MSRA: variants seen among roughly 807,000 people sequenced by gnomAD.
MSRA encodes mitochondrial peptide methionine sulfoxide reductase.
In MSRA, 54 loss-of-function variants were observed where a neutral mutation model predicts 31.3. The ratio of observed to expected loss-of-function variants is 1.73; its 90% CI spans 1.39 to 2.17. The LOEUF is 2.17. Among genes scored for constraint, MSRA ranks in the 30% most tolerant of loss-of-function variants. The pLI is 0.00. For missense variants in MSRA, 507 were observed against 300.9 expected (o/e 1.69, Z -5.07); for synonymous variants, 169 against 116.5 (o/e 1.45, Z -2.90).
intron 5 of MSRA, among the ~76,000 whole-genome samples, chr8:10,375,162 T>C (rs758212482): frequency 4.6e-5 from 7 of 152,232 alleles, no homozygotes; most frequent in Non-Finnish European, 7.3e-5. Context: ...AACACACTTG[T>C]ACAGCCACAA....
chr8:10,079,703 C>A (rs972158050), intron 1 of MSRA, among the ~76,000 whole-genome samples: 1 of 152,144 alleles, frequency 6.6e-6, no homozygotes, highest in Non-Finnish European at 1.5e-5. Flanking sequence ...AGCATTACAG[C>A]GCTCTTGGCT....
At chr8:10,367,063 G>A (rs961720367) in intron 5 of MSRA, among the ~76,000 whole-genome samples, 3 of 152,214 alleles carry the variant, frequency 2.0e-5, no homozygotes, top group Admixed American at 1.3e-4. Flanking sequence ...TAAACAATGC[G>A]AACATTTTAA....
chr8:10,343,467 T>C (rs1207901881), intron 5 of MSRA, among the ~76,000 whole-genome samples: 1 of 152,218 alleles, frequency 6.6e-6, no homozygotes, highest in Non-Finnish European at 1.5e-5. Flanking sequence ...AATTTGTTTC[T>C]GGCATATGGT....
chr8:10,139,963 G>A (rs58136080), intron 1 of MSRA, among the ~76,000 whole-genome samples: 7 of 152,186 alleles, frequency 4.6e-5, no homozygotes, highest in Non-Finnish European at 1.0e-4. Context: ...TTCTGGCTGA[G>A]TCATCTATAG....
Position 10,319,902 on chromosome 8 carries a change from C to A in MSRA, c.456C>A (p.Asp152Glu). 1 of 1,569,754 alleles carries A rather than the reference C, an allele frequency of 6.4e-7. No homozygotes were observed. Among genetic ancestry groups the A allele is most frequent in the South Asian group, 1.2e-5 (1 of 81,758 alleles). The stretch of plus-strand genomic sequence containing the variant: ...TCCTAGGTATGCGCCAGGGGAACGA[C>A]CATGGCACTCAGTACCGCTCGGCCA... ...DPTQGMRQGN[D>E]HGTQYRSAIY... is the part of the protein sequence containing the mutation. Residue 152 changes from aspartate (D) to glutamate (E), a missense_variant, in exon 5 of 6, where the codon GAC (aspartate) becomes GAA (glutamate). Transcript: ENST00000317173.
At chr8:10,084,257 C>CT (rs1798440856) in intron 1 of MSRA, among the ~76,000 whole-genome samples, 1 of 152,214 alleles carries the variant, frequency 6.6e-6, no homozygotes, top group Admixed American at 6.5e-5. Context: ...TGACCTGGGC[C>CT]TTAGCCTCTT....
intron 1 of MSRA, among the ~76,000 whole-genome samples, chr8:10,205,333 A>T (rs1352637863): frequency 6.6e-6 from 1 of 151,892 alleles, no homozygotes; most frequent in Non-Finnish European, 1.5e-5. Flanking sequence ...AGGTGTCTGG[A>T]GGGGGACAGT....
intron 5 of MSRA, among the ~76,000 whole-genome samples, chr8:10,364,832 C>G (rs1232121269): frequency 1.3e-5 from 2 of 152,150 alleles, no homozygotes; most frequent in Non-Finnish European, 2.9e-5. Context: ...GGGAAATCCC[C>G]GGATGTAGAA....
rs544886066 is a variant in MSRA, at chr8:10,131,946, TGAA to T, written c.143-75880_143-75878del. ...GTTATACCAAATGAAAACAAATGAC[TGAA>T]GAAGAACTGAATGATGTTTATAAGC... On this transcript the variant is annotated intron_variant, in intron 1 of 5. Coordinates refer to ENST00000317173, the MANE Select transcript of MSRA (RefSeq NM_012331.5). Among the ~76,000 whole-genome samples the T allele has an allele frequency of 4.7e-3, 715 of 152,366 alleles. 5 individuals are homozygous for T. Among genetic ancestry groups the T allele is most frequent in the African/African-American group, 0.016 (682 of 41,592 alleles).
intron 1 of MSRA, among the ~76,000 whole-genome samples, chr8:10,135,553 T>G (rs1013722435): frequency 6.6e-6 from 1 of 152,226 alleles, no homozygotes; most frequent in Non-Finnish European, 1.5e-5. Context: ...TTAATATACA[T>G]GATGACACTT....
At chr8:10,313,496 C>CA (rs989009076) in intron 4 of MSRA, among the ~76,000 whole-genome samples, 16 of 147,304 alleles carry the variant, frequency 1.1e-4, no homozygotes, top group African/African-American at 1.5e-4. Context: ...AACAAACAAA[C>CA]AAAAAAAAAC....
At chr8:10,348,005 G>C (rs535775918) in intron 5 of MSRA, among the ~76,000 whole-genome samples, 142 of 152,328 alleles carry the variant, frequency 9.3e-4, no homozygotes, top group Non-Finnish European at 1.8e-3. Flanking sequence ...CATTTATAGA[G>C]TAGGCACATG....
At chr8:10,263,716 A>G (rs1798600445) in intron 3 of MSRA, among the ~76,000 whole-genome samples, 1 of 152,184 alleles carries the variant, frequency 6.6e-6, no homozygotes, top group Non-Finnish European at 1.5e-5. Context: ...TGGGGACAGG[A>G]ATAGGGAAAG....
At chr8:10,301,760 A>T in intron 4 of MSRA, 122 bp downstream of exon 4, 1 of 787,660 alleles carries the variant, frequency 1.3e-6, no homozygotes. Flanking sequence ...ATATGATTGC[A>T]GACATTTATT....
At chr8:10,356,385 C>T (rs1356455755) in intron 5 of MSRA, among the ~76,000 whole-genome samples, 4 of 152,186 alleles carry the variant, frequency 2.6e-5, no homozygotes, top group Admixed American at 1.3e-4. Flanking sequence ...CATAACTTTG[C>T]TAGTCCCCCT....
chr8:10,229,905 C>T (rs371226866), intron 2 of MSRA, among the ~76,000 whole-genome samples: 3 of 152,170 alleles, frequency 2.0e-5, no homozygotes, highest in African/African-American at 4.8e-5. Context: ...CCCGTCCTCC[C>T]CATATAATCA....
At chr8:10,116,316 A>C (rs1800673804) in intron 1 of MSRA, among the ~76,000 whole-genome samples, 1 of 152,240 alleles carries the variant, frequency 6.6e-6, no homozygotes, top group South Asian at 2.1e-4. Context: ...GGCCCAAGGC[A>C]GTTCTTCTTC....
chr8:10,187,084 A>G (rs1807118516), intron 1 of MSRA, among the ~76,000 whole-genome samples: 1 of 152,136 alleles, frequency 6.6e-6, no homozygotes, highest in Non-Finnish European at 1.5e-5. Context: ...TCTCAACTAG[A>G]TTTTAAAGAC....
intron 1 of MSRA, among the ~76,000 whole-genome samples, chr8:10,089,630 A>G (rs532065017): frequency 3.3e-5 from 5 of 152,202 alleles, no homozygotes; most frequent in African/African-American, 4.8e-5. Flanking sequence ...TAATTTATAC[A>G]GAAAAGAGGT....
Sources: allele counts gnomAD v4.1 joint callset (sites outside exome capture counted in the v4.1 genomes callset), GRCh38; gene constraint gnomAD v4.1.1; transcripts MANE v1.5; gene names NCBI Gene and HGNC (gene_info 2026-07-23, HGNC 2026-07-21).